Variants in ECPAS observed in about 807,000 individuals in gnomAD.
ECPAS encodes the protein proteasome adapter and scaffold protein ECM29.
Under a neutral mutation model 255.1 loss-of-function variants are expected in ECPAS, and 70 were observed. That is an observed-to-expected ratio of 0.27 (90% CI 0.23 to 0.33). ECPAS has a LOEUF of 0.33. Among genes scored for constraint, ECPAS ranks in the 10% least tolerant of loss-of-function variants. ECPAS has a pLI of 1.00. For missense variants in ECPAS, 1,817 were observed against 2,206.4 expected, an observed-to-expected ratio of 0.82 and a Z score of 3.54; for synonymous variants, 784 against 775.0, an observed-to-expected ratio of 1.01 and a Z score of -0.19.
rs150848328 is a variant in ECPAS at position 111,410,560 on chromosome 9, A to G, written c.2378-347T>C. On this transcript the variant is annotated intron_variant, in intron 22 of 49. Coordinates refer to ENST00000684092, the MANE Select transcript of ECPAS (RefSeq NM_001364929.1). ...GAGACAAGGTCGAGCTCTGTCACCC[A>G]GGCGGGAGTGCAGTGGCATGATCAC... 2.8e-3 allele frequency among the ~76,000 whole-genome samples: 423 copies of G among 152,298 alleles called. 5 individuals carry two copies. Among genetic ancestry groups the G allele is most frequent in the African/African-American group, 9.8e-3 (406 of 41,558 alleles).
rs577067694 is a variant in ECPAS at position 111,401,671 on chromosome 9, G to A, written c.2653-4518C>T. On this transcript the variant is annotated intron_variant, in intron 24 of 49. Coordinates refer to ENST00000684092, the MANE Select transcript of ECPAS (RefSeq NM_001364929.1). ...CTTATCTCAACCACATAAGACAGACGCTCCCAGAGTAGCCATTCATAGACC... is the reference window on the plus strand; with the variant it reads ...CTTATCTCAACCACATAAGACAGACACTCCCAGAGTAGCCATTCATAGACC... 5.3e-5 allele frequency among the ~76,000 whole-genome samples: 8 copies of A among 152,272 alleles called. 1 individual carries two copies. The South Asian group carries it at 8.3e-4, about 16-fold the overall frequency.
At chr9:111,363,107 T>TCCCCCCC (rs3837271) in intron 49 of ECPAS, among the ~76,000 whole-genome samples, 10 of 146,756 alleles carry the variant, frequency 6.8e-5, no homozygotes, top group East Asian at 2.1e-4. Flanking sequence ...TGCTAACAGT[T>TCCCCCCC]CCCCCCCACC....
chr9:111,399,988 G>A (rs2098173308), intron 24 of ECPAS, among the ~76,000 whole-genome samples: 1 of 152,274 alleles, frequency 6.6e-6, no homozygotes, highest in Admixed American at 6.5e-5. Flanking sequence ...CCAGCATGGT[G>A]CTAGCTGCTG....
At chr9:111,469,706 G>A (rs927833164) in intron 2 of ECPAS, among the ~76,000 whole-genome samples, 80 of 152,034 alleles carry the variant, frequency 5.3e-4, no homozygotes, top group African/African-American at 1.8e-3. Context: ...CTACTCGGGA[G>A]GCTGAGGCAG....
chr9:111,423,357 C>T (rs1192063917), intron 12 of ECPAS, 109 bp from the exon 13 acceptor site: 1 of 746,648 alleles, frequency 1.3e-6, no homozygotes, highest in Non-Finnish European at 2.2e-6. Context: ...CATTATTTTA[C>T]TCCTTATTAA....
rs73656253 is a variant in ECPAS, at chr9:111,457,985, A to T, written c.23-6430T>A. Among the ~76,000 whole-genome samples, 1,040 of 152,352 alleles carry T rather than the reference A, an allele frequency of 6.8e-3. 12 individuals carry two copies. The highest frequency in any genetic ancestry group is 0.024 in the African/African-American group (1,001 of 41,582). ...AACTAAGGAGAATTTCTGCTAAAAG[A>T]AGTATCTAGATTTTGTGTGCATATA... On this transcript the variant is annotated intron_variant, in intron 2 of 49. Coordinates refer to ENST00000684092, the MANE Select transcript of ECPAS (RefSeq NM_001364929.1).
intron 5 of ECPAS, 140 bp from the exon 6 acceptor site, chr9:111,440,661 C>A: frequency 1.6e-6 from 1 of 623,088 alleles, no homozygotes; most frequent in Non-Finnish European, 2.7e-6. Context: ...TACTAATTTA[C>A]AAAGTCCTAA....
At chr9:111,436,728 T>C (rs753631640) in intron 7 of ECPAS, among the ~76,000 whole-genome samples, 3 of 152,208 alleles carry the variant, frequency 2.0e-5, no homozygotes, top group Non-Finnish European at 2.9e-5. Flanking sequence ...TAAGCAGTAT[T>C]AGAAAAACTA....
At chr9:111,440,253 A>G (rs1436505847) in intron 6 of ECPAS, 119 bp downstream of exon 6, 4 of 866,702 alleles carry the variant, frequency 4.6e-6, no homozygotes, top group Non-Finnish European at 6.6e-6. Flanking sequence ...ATCTTTGTAA[A>G]CGTAAATGGA....
chr9:111,451,576 A>G, intron 2 of ECPAS, 21 bp from the exon 3 acceptor site: 1 of 1,523,380 alleles, frequency 6.6e-7, no homozygotes, highest in African/African-American at 1.4e-5. Flanking sequence ...AAAAGAAAAA[A>G]AGAGAGAACT....
intron 6 of ECPAS, among the ~76,000 whole-genome samples, chr9:111,439,415 C>T (rs2098242712): frequency 1.3e-5 from 2 of 152,010 alleles, no homozygotes; most frequent in African/African-American, 2.4e-5. Context: ...ACTATAGGTG[C>T]ATGCCATGAG....
chr9:111,417,912 G>T lies in ECPAS; in HGVS notation c.1654C>A (p.Pro552Thr), dbSNP rs746102449. The T allele has an allele frequency of 1.3e-6, 2 of 1,580,416 alleles. No individual in the cohort carries two copies. The highest frequency in any genetic ancestry group is 2.3e-5 in the South Asian group (2 of 86,148). Residue 552 changes from proline to threonine, a missense_variant, in exon 17 of 50, where the codon CCA (proline) becomes ACA (threonine). Coordinates refer to ENST00000684092, the MANE Select transcript of ECPAS (RefSeq NM_001364929.1). ...ESTSEQMPSF[P>T]EMVYYIQEKA... ...TCTTGGATGTAATAAACCATTTCTG[G>T]GAAGGAAGGCATCTGCTCAGAAGTA...
intron 49 of ECPAS, among the ~76,000 whole-genome samples, chr9:111,362,976 T>C (rs548977888): frequency 3.3e-5 from 5 of 152,230 alleles, no homozygotes; most frequent in Admixed American, 6.5e-5. Context: ...ATACACAAGG[T>C]TGCAGGAAAA....
In ECPAS at chr9:111,444,492, T is replaced by G. The variant is rs768833124; in HGVS notation, c.156A>C (p.Val52=). Residue 52 remains valine, a splice_region_variant and synonymous_variant, in exon 4 of 50, where the codon GTA becomes GTC. Transcript: ENST00000684092. ...TATTCAGATGGACCAGCAGTTCCATTACCTAAAATACAGAGAGATGGGAAC... is the reference window on the plus strand; with the variant it reads ...TATTCAGATGGACCAGCAGTTCCATGACCTAAAATACAGAGAGATGGGAAC... ...SSTQEGVRKK[V]MELLVHLNKR... is the part of the protein sequence containing the mutation. 6.3e-7 allele frequency: 1 copy of G among 1,591,306 alleles called. No homozygotes were observed. The highest frequency in any genetic ancestry group is 8.6e-7 in the Non-Finnish European group (1 of 1,161,174).
At chr9:111,457,222 A>T (rs776154857) in intron 2 of ECPAS, among the ~76,000 whole-genome samples, 14 of 152,238 alleles carry the variant, frequency 9.2e-5, no homozygotes, top group Non-Finnish European at 1.8e-4. Context: ...TCAGTGGAAG[A>T]TTAAAAAGGA....
intron 4 of ECPAS, 49 bp downstream of exon 4, chr9:111,444,329 G>T: frequency 7.7e-7 from 1 of 1,298,932 alleles, no homozygotes; most frequent in Non-Finnish European, 1.1e-6. Context: ...ATAAATGTTA[G>T]GAAAGAAAAT....
intron 13 of ECPAS, 67 bp downstream of exon 13, chr9:111,423,132 T>G (rs984440749): frequency 9.3e-7 from 1 of 1,070,084 alleles, no homozygotes; most frequent in African/African-American, 1.6e-5. Context: ...TCCGCCATTA[T>G]TAAATGCCAC....
In ECPAS at chr9:111,481,514, A is replaced by C. The variant is rs1344928033; in HGVS notation, c.-83+2602T>G. On this transcript the variant is annotated intron_variant, in intron 1 of 49. Coordinates refer to ENST00000684092, the MANE Select transcript of ECPAS (RefSeq NM_001364929.1). Reference sequence around the variant, plus strand: ...GAGCAAGACTTGGTCTCAAGAAAAAAAAAAGAAAAAAGAAAACAGTACAGT... The same window carrying C: ...GAGCAAGACTTGGTCTCAAGAAAAACAAAAGAAAAAAGAAAACAGTACAGT... Among the ~76,000 whole-genome samples, 3 of 152,136 alleles carry C rather than the reference A, an allele frequency of 2.0e-5. No homozygotes were observed. The East Asian group carries it at 5.8e-4, about 29-fold the overall frequency.
chr9:111,376,959 T>C (rs1373565594), intron 36 of ECPAS, among the ~76,000 whole-genome samples: 2 of 152,226 alleles, frequency 1.3e-5, no homozygotes, highest in Non-Finnish European at 2.9e-5. Flanking sequence ...TGAAGGTATT[T>C]TAATCTAACA....
Sources: allele counts gnomAD v4.1 joint callset (sites outside exome capture counted in the v4.1 genomes callset), GRCh38; gene constraint gnomAD v4.1.1; transcripts MANE v1.5; gene names NCBI Gene and HGNC (gene_info 2026-07-23, HGNC 2026-07-21).